PRIMPOL: variants seen among roughly 807,000 people sequenced by gnomAD.
PRIMPOL encodes DNA-directed primase/polymerase protein.
A neutral mutation model predicts 63.6 loss-of-function variants in PRIMPOL; 54 were observed. That is an observed-to-expected ratio of 0.85 (90% CI 0.68 to 1.07). The LOEUF (loss-of-function observed/expected upper bound fraction) is 1.07, where lower values mean the gene tolerates loss of function less well. Among genes scored for constraint, PRIMPOL ranks in the 50% least tolerant of loss-of-function variants. The pLI is 0.00. For missense variants in PRIMPOL, 610 were observed against 648.3 expected (o/e 0.94, Z 0.64); for synonymous variants, 197 against 220.2 (o/e 0.89, Z 0.93).
intron 6 of PRIMPOL, among the ~76,000 whole-genome samples, chr4:184,666,353 C>T (rs1212785046): frequency 6.6e-6 from 1 of 152,134 alleles, no homozygotes; most frequent in Admixed American, 6.5e-5. Context: ...GTCCCAGCTA[C>T]TCGGGATGCT....
Position 184,694,513 on chromosome 4 carries a change from GAAATA to G in PRIMPOL, c.1426-6_1426-2del. The G allele has an allele frequency of 6.2e-7, 1 of 1,608,514 alleles. No individual in the cohort carries two copies. Among genetic ancestry groups the G allele is most frequent in the Non-Finnish European group, 8.5e-7 (1 of 1,175,964 alleles). Reference sequence around the variant, plus strand: ...TCCCACTCTCTATCCCTTCACCACTGAAATAAAGGAAGAAGAGTTTACAACAGATG... The same window carrying G: ...TCCCACTCTCTATCCCTTCACCACTGAAGGAAGAAGAGTTTACAACAGATG... On this transcript the variant is annotated splice_polypyrimidine_tract_variant and splice_region_variant and intron_variant, in intron 13 of 13. Coordinates refer to ENST00000314970, the MANE Select transcript of PRIMPOL (RefSeq NM_152683.4).
Position 184,682,476 on chromosome 4 carries a change from T to C in PRIMPOL, c.1096+140T>C. 4 of 532,012 alleles carry C rather than the reference T, an allele frequency of 7.5e-6. No homozygotes were observed. The South Asian group carries it at 9.4e-5, about 13-fold the overall frequency. 33.0% of individuals were successfully genotyped at this position (532,012 alleles called of 1,614,324 possible). On this transcript the variant is annotated intron_variant, in intron 9 of 13. Coordinates refer to ENST00000314970, the MANE Select transcript of PRIMPOL (RefSeq NM_152683.4). ...CCATCTCCTGCCTCAGCCTCCGGAG[T>C]AGTTGGGTTTACAGGTGTGCACCAT...
chr4:184,673,903 C>T (rs1223700405), intron 7 of PRIMPOL, among the ~76,000 whole-genome samples: 1 of 152,234 alleles, frequency 6.6e-6, no homozygotes, highest in African/African-American at 2.4e-5. Context: ...AGCACCAGAA[C>T]TTGGAAAGAC....
intron 7 of PRIMPOL, among the ~76,000 whole-genome samples, chr4:184,677,411 C>CATATATA (rs1754385671): frequency 6.6e-6 from 1 of 152,192 alleles, no homozygotes; most frequent in Non-Finnish European, 1.5e-5. Context: ...CTCAGCAGTG[C>CATATATA]TACCTTTGCC....
chr4:184,652,591 T>TTA, intron 2 of PRIMPOL, among the ~76,000 whole-genome samples: 1 of 152,284 alleles, frequency 6.6e-6, no homozygotes, highest in East Asian at 1.9e-4. Context: ...GAAAGTGAAC[T>TTA]TATATAATAA....
chr4:184,682,005 T>C (rs1160336834), intron 8 of PRIMPOL, among the ~76,000 whole-genome samples: 1 of 152,238 alleles, frequency 6.6e-6, no homozygotes, highest in Non-Finnish European at 1.5e-5. Context: ...GATAGTATTA[T>C]AAGTAATCAC....
intron 9 of PRIMPOL, among the ~76,000 whole-genome samples, chr4:184,683,010 A>G (rs1039152964): frequency 2.3e-4 from 35 of 152,330 alleles, no homozygotes; most frequent in African/African-American, 7.9e-4. Context: ...TGTTGGTGCC[A>G]TTGCACTCCA....
rs779082857 is a variant in PRIMPOL, at chr4:184,685,391, C to A, written c.1097-18C>A. 10 of 1,535,884 alleles carry A rather than the reference C, an allele frequency of 6.5e-6. No individual in the cohort carries two copies. In the South Asian group the frequency reaches 1.0e-4, roughly 15 times the overall value. On this transcript the variant is annotated intron_variant, in intron 9 of 13. Transcript: ENST00000314970. The stretch of plus-strand genomic sequence containing the variant: ...ACTTTCAGCTATTGTAATTTATAAA[C>A]CATTCTCTCTGTTGCAGTAGAAACC...
At chr4:184,673,079 C>T (rs1752253512) in intron 7 of PRIMPOL, among the ~76,000 whole-genome samples, 1 of 152,016 alleles carries the variant, frequency 6.6e-6, no homozygotes, top group African/African-American at 2.4e-5. Flanking sequence ...CATTTTTATA[C>T]TGAGGCTCTA....
intron 6 of PRIMPOL, among the ~76,000 whole-genome samples, chr4:184,670,890 G>A (rs1751429225): frequency 6.6e-6 from 1 of 152,148 alleles, no homozygotes; most frequent in Non-Finnish European, 1.5e-5. Context: ...AAATAAAAAT[G>A]TGAATTTAGA....
At chr4:184,668,072 G>C (rs871254) in intron 6 of PRIMPOL, among the ~76,000 whole-genome samples, 19,105 of 152,104 alleles carry the variant, frequency 0.13, 1,270 homozygotes, top group Middle Eastern at 0.17. Flanking sequence ...CCTCACCCTT[G>C]ATGATCAGCC....
intron 7 of PRIMPOL, among the ~76,000 whole-genome samples, chr4:184,677,607 C>T (rs1028906593): frequency 6.6e-6 from 1 of 152,052 alleles, no homozygotes; most frequent in African/African-American, 2.4e-5. Flanking sequence ...TTTGAAATTT[C>T]TTGGTAGTTA....
intron 9 of PRIMPOL, among the ~76,000 whole-genome samples, chr4:184,684,447 CT>C (rs1756488643): frequency 1.0e-3 from 3 of 2,974 alleles, no homozygotes; most frequent in Non-Finnish European, 1.6e-3. Flanking sequence ...CAGAGCAAGA[CT>C]CTGTCTCAAG....
intron 7 of PRIMPOL, among the ~76,000 whole-genome samples, chr4:184,674,689 G>A (rs1245799142): frequency 2.0e-5 from 3 of 152,264 alleles, no homozygotes; most frequent in East Asian, 3.8e-4. Context: ...ACCATGTTTT[G>A]TATACGTATT....
At chr4:184,655,301 C>T (rs1054607771) in intron 2 of PRIMPOL, among the ~76,000 whole-genome samples, 16 of 150,510 alleles carry the variant, frequency 1.1e-4, no homozygotes, top group Admixed American at 4.0e-4. Flanking sequence ...TGAACCACGG[C>T]GCCTGGTCTA....
intron 11 of PRIMPOL, among the ~76,000 whole-genome samples, chr4:184,690,605 GC>G (rs112039488): frequency 0.044 from 6,741 of 152,094 alleles, 487 homozygotes; most frequent in African/African-American, 0.15. Flanking sequence ...GATTACAGGT[GC>G]CCCCCACCAC....
At chr4:184,650,142 A>C (rs1743772204) in intron 1 of PRIMPOL, among the ~76,000 whole-genome samples, 1 of 152,252 alleles carries the variant, frequency 6.6e-6, no homozygotes, top group Admixed American at 6.5e-5. Context: ...CTTGCTGGTC[A>C]CTGGGTAGTC....
chr4:184,651,305 A>G (rs1339321948), intron 1 of PRIMPOL, among the ~76,000 whole-genome samples: 1 of 152,042 alleles, frequency 6.6e-6, no homozygotes, highest in Non-Finnish European at 1.5e-5. Flanking sequence ...AAAAGAAAAA[A>G]AAGGGGTTAA....
At chr4:184,655,861 ATATTAATGAAGAGAGGAACTC>A (rs1289571246) in intron 2 of PRIMPOL, among the ~76,000 whole-genome samples, 2 of 152,244 alleles carry the variant, frequency 1.3e-5, no homozygotes, top group Non-Finnish European at 2.9e-5. Context: ...GGCAGAGATG[ATATTAATGAAGAGAGGAACTC>A]TATTAATTAC....
Sources: allele counts gnomAD v4.1 joint callset (sites outside exome capture counted in the v4.1 genomes callset), GRCh38; gene constraint gnomAD v4.1.1; transcripts MANE v1.5; gene names NCBI Gene and HGNC (gene_info 2026-07-23, HGNC 2026-07-21).